The following BICC1 variants were observed in gnomAD, a reference collection of about 807,000 sequenced individuals.
BICC1 encodes BicC family RNA binding protein 1.
Under a neutral mutation model 111.0 loss-of-function variants are expected in BICC1, and 43 were observed. The ratio of observed to expected loss-of-function variants is 0.39; its 90% CI spans 0.30 to 0.50. The LOEUF (loss-of-function observed/expected upper bound fraction) is 0.50. BICC1 is among the 20% of genes least tolerant of loss of function. The pLI is 0.88. For synonymous variants in BICC1, 467 were observed against 434.4 expected (o/e 1.07, Z -0.93); for missense variants, 1,091 against 1,203.2 (o/e 0.91, Z 1.38).
chr10:58,763,007 T>C (rs1353655067), intron 3 of BICC1, among the ~76,000 whole-genome samples: 1 of 152,076 alleles, frequency 6.6e-6, no homozygotes, highest in African/African-American at 2.4e-5. Context: ...ATTATGTTTG[T>C]TGTTTTAAGG....
Position 58,575,672 on chromosome 10 carries a change from C to T in BICC1, c.191-45183C>T, listed in dbSNP as rs904197378. 2.6e-5 allele frequency among the ~76,000 whole-genome samples: 4 copies of T among 151,982 alleles called. No individual in the cohort carries two copies. In the East Asian group the frequency reaches 7.7e-4, roughly 29 times the overall value. ...TCCTGGACTTAACGCGATTTTCCTGCTTCAGCCTCCTAGGCAGCTGAGTCT... is the reference window on the plus strand; with the variant it reads ...TCCTGGACTTAACGCGATTTTCCTGTTTCAGCCTCCTAGGCAGCTGAGTCT... On this transcript the variant is annotated intron_variant, in intron 1 of 20. Transcript: ENST00000373886.
chr10:58,609,693 G>T (rs1047305915), intron 1 of BICC1, among the ~76,000 whole-genome samples: 1 of 152,154 alleles, frequency 6.6e-6, no homozygotes, highest in Non-Finnish European at 1.5e-5. Flanking sequence ...ATTCAGACTA[G>T]TCACACTTTC....
chr10:58,562,096 G>T lies in BICC1; in HGVS notation c.190+48763G>T, dbSNP rs796171331. On this transcript the variant is annotated intron_variant, in intron 1 of 20. Coordinates refer to ENST00000373886, the MANE Select transcript of BICC1 (RefSeq NM_001080512.3). Reference sequence around the variant, plus strand: ...AGTTTTCAGTAATGTGCCTTGGAGAGAACTTTTTTGAATTAAATTTACTTA... The same window carrying T: ...AGTTTTCAGTAATGTGCCTTGGAGATAACTTTTTTGAATTAAATTTACTTA... 9.5e-4 allele frequency among the ~76,000 whole-genome samples: 145 copies of T among 152,180 alleles called. 1 individual carries two copies. Among genetic ancestry groups the T allele is most frequent in the African/African-American group, 3.4e-3 (140 of 41,562 alleles).
chr10:58,588,064 G>T (rs1844485872), intron 1 of BICC1, among the ~76,000 whole-genome samples: 1 of 152,148 alleles, frequency 6.6e-6, no homozygotes, highest in Admixed American at 6.5e-5. Flanking sequence ...ACACAAAGTG[G>T]TTCATGTACA....
At position 58,807,098 on chromosome 10, in the gene BICC1, C is replaced by G. The variant is rs755076229; in HGVS notation, c.2316C>G (p.Ile772Met). 1.2e-6 allele frequency: 2 copies of G among 1,613,940 alleles called. No individual in the cohort carries two copies. Among genetic ancestry groups the G allele is most frequent in the Admixed American group, 3.3e-5 (2 of 60,008 alleles). The change falls in exon 17 of 21, where the codon ATC becomes ATG. Residue 772 changes from isoleucine (I) to methionine (M), a missense_variant. Ile to Met is a conservative substitution (Grantham distance 10). Coordinates refer to ENST00000373886, the MANE Select transcript of BICC1 (RefSeq NM_001080512.3). The part of the protein sequence containing the change: ...GFSKSMPAET[I>M]KELRRANHVS... ...CTAAATCCATGCCAGCTGAAACTAT[C>G]AAGGAGTTGAGAAGGGCCAATCATG...
chr10:58,811,103 T>C (rs1347939425), intron 17 of BICC1, among the ~76,000 whole-genome samples: 2 of 152,226 alleles, frequency 1.3e-5, no homozygotes, highest in Non-Finnish European at 2.9e-5. Flanking sequence ...AAGCAGGCAC[T>C]TTGAAGCTTT....
chr10:58,588,665 C>T (rs904036513), intron 1 of BICC1, among the ~76,000 whole-genome samples: 3 of 152,176 alleles, frequency 2.0e-5, no homozygotes, highest in Non-Finnish European at 4.4e-5. Context: ...GATCCAGCTC[C>T]AGAGGGTGCT....
intron 2 of BICC1, among the ~76,000 whole-genome samples, chr10:58,672,111 A>G (rs1251818784): frequency 3.9e-5 from 6 of 152,184 alleles, no homozygotes; most frequent in Admixed American, 2.6e-4. Flanking sequence ...TTACCATTTT[A>G]ACCATTTTAA....
chr10:58,547,044 A>G (rs1238323288), intron 1 of BICC1, among the ~76,000 whole-genome samples: 1 of 152,158 alleles, frequency 6.6e-6, no homozygotes, highest in Non-Finnish European at 1.5e-5. Context: ...TTTAGAGATA[A>G]AGTTATGAAT....
chr10:58,692,105 G>T (rs868438641), intron 2 of BICC1, among the ~76,000 whole-genome samples: 1 of 152,106 alleles, frequency 6.6e-6, no homozygotes, highest in South Asian at 2.1e-4. Flanking sequence ...CAGGAGCCCA[G>T]CTTGTTGGTG....
chr10:58,774,487 AT>A (rs764396565), intron 3 of BICC1, among the ~76,000 whole-genome samples: 159 of 152,326 alleles, frequency 1.0e-3, no homozygotes, highest in African/African-American at 3.7e-3. Flanking sequence ...AGATATGAGT[AT>A]TTTTTGTGCA....
intron 6 of BICC1, 59 bp downstream of exon 6, chr10:58,788,482 C>A: frequency 8.7e-7 from 1 of 1,147,606 alleles, no homozygotes; most frequent in African/African-American, 1.5e-5. Flanking sequence ...CATTATAAGG[C>A]ACTAAAAATA....
chr10:58,520,238 A>G (rs531881587), intron 1 of BICC1, among the ~76,000 whole-genome samples: 3 of 152,328 alleles, frequency 2.0e-5, no homozygotes, highest in East Asian at 1.9e-4. Context: ...ATTCCTTTAT[A>G]TGAAATATTT....
At chr10:58,682,649 G>A (rs1268026652) in intron 2 of BICC1, among the ~76,000 whole-genome samples, 2 of 152,144 alleles carry the variant, frequency 1.3e-5, no homozygotes, top group African/African-American at 4.8e-5. Flanking sequence ...TGTGTCATGT[G>A]TCTGTTTCAT....
chr10:58,563,720 A>T (rs2131957252), intron 1 of BICC1, among the ~76,000 whole-genome samples: 1 of 152,324 alleles, frequency 6.6e-6, no homozygotes, highest in African/African-American at 2.4e-5. Flanking sequence ...AATCAGAGAC[A>T]AAGGGGTGTT....
In BICC1 at chr10:58,652,440, C is replaced by T. The variant is rs531336436; in HGVS notation, c.237+31539C>T. ...CATATAATAGTAATTTATAATAAAG[C>T]AAATTGAAGAAGTTCTGTATACACA... On this transcript the variant is annotated intron_variant, in intron 2 of 20. Transcript: ENST00000373886. 2.1e-4 allele frequency among the ~76,000 whole-genome samples: 32 copies of T among 152,052 alleles called. 3 individuals carry two copies. The South Asian group carries it at 6.6e-3, about 32-fold the overall frequency.
intron 1 of BICC1, among the ~76,000 whole-genome samples, chr10:58,592,008 A>G (rs1372382539): frequency 6.6e-6 from 1 of 152,224 alleles, no homozygotes; most frequent in Non-Finnish European, 1.5e-5. Flanking sequence ...CCAGAATATG[A>G]CACATCTTTG....
At chr10:58,684,220 G>A (rs180993800) in intron 2 of BICC1, among the ~76,000 whole-genome samples, 1 of 152,288 alleles carries the variant, frequency 6.6e-6, no homozygotes, top group East Asian at 1.9e-4. Context: ...TCCCAGGGAT[G>A]AAGCCAACTT....
chr10:58,525,886 T>C (rs953241415), intron 1 of BICC1, among the ~76,000 whole-genome samples: 18 of 151,168 alleles, frequency 1.2e-4, no homozygotes, highest in Non-Finnish European at 2.5e-4. Context: ...ATGTTTTCTG[T>C]ATTTCTAAGC....
Sources: allele counts gnomAD v4.1 joint callset (sites outside exome capture counted in the v4.1 genomes callset), GRCh38; gene constraint gnomAD v4.1.1; transcripts MANE v1.5; gene names NCBI Gene and HGNC (gene_info 2026-07-23, HGNC 2026-07-21).